TMEM63B: variants seen among roughly 807,000 people sequenced by gnomAD.
TMEM63B encodes mechanosensitive cation channel TMEM63B.
Under a neutral mutation model 102.6 loss-of-function variants are expected in TMEM63B, and 23 were observed. The ratio of observed to expected loss-of-function variants is 0.22; its 90% CI spans 0.16 to 0.32. TMEM63B has a LOEUF of 0.32. Ranked by LOEUF, TMEM63B falls within the 10% of genes least tolerant of loss-of-function variation. The pLI is 1.00. For missense variants in TMEM63B, 628 were observed against 1,095.9 expected (o/e 0.57, Z 6.03); for synonymous variants, 444 against 437.0 (o/e 1.02, Z -0.20).
At chr6:44,136,937 T>C (rs1011460993) in intron 5 of TMEM63B, among the ~76,000 whole-genome samples, 3 of 152,128 alleles carry the variant, frequency 2.0e-5, no homozygotes, top group Admixed American at 6.6e-5. Flanking sequence ...CCCAGCTACT[T>C]GGGAGGCTGA....
intron 9 of TMEM63B, among the ~76,000 whole-genome samples, chr6:44,140,687 C>T (rs796625787): frequency 4.6e-5 from 7 of 152,232 alleles, no homozygotes; most frequent in African/African-American, 1.2e-4. Context: ...AAGCCAGAAC[C>T]GGACACCTAC....
Position 44,152,154 on chromosome 6 carries a change from C to T in TMEM63B, c.1836+146C>T. 1.9e-6 allele frequency: 2 copies of T among 1,064,918 alleles called. No individual in the cohort carries two copies. The highest frequency in any genetic ancestry group is 2.7e-5 in the East Asian group (1 of 37,060). The allele number at this position is 1,064,918 out of a possible 1,614,324, so 66.0% of individuals were successfully genotyped here. ...ACTCACGGTGGATCCGGGCCATCCC[C>T]TTCCCATATCTGGGGCCTTCGTATT... On this transcript the variant is annotated intron_variant, in intron 19 of 23. Transcript: ENST00000323267. This position sits in a 1 kb window ranked among gnomAD's most constrained non-coding sequence, Gnocchi z 6.4.
Position 44,152,370 on chromosome 6 carries a change from G to T in TMEM63B, c.1837-223G>T, listed in dbSNP as rs1341557182. On this transcript the variant is annotated intron_variant, in intron 19 of 23. Coordinates refer to ENST00000323267, the MANE Select transcript of TMEM63B (RefSeq NM_018426.3). The surrounding 1 kb of genome is among the most constrained non-coding windows in gnomAD (Gnocchi z 6.4). ...ACCTGCCAGGCCCCGACCCTTGAAGGCCCCTCTCCGTGCCCCATCACTGCA... is the reference window on the plus strand; with the variant it reads ...ACCTGCCAGGCCCCGACCCTTGAAGTCCCCTCTCCGTGCCCCATCACTGCA... 1.3e-5 allele frequency among the ~76,000 whole-genome samples: 2 copies of T among 151,866 alleles called. No homozygotes were observed. Among genetic ancestry groups the T allele is most frequent in the Non-Finnish European group, 2.9e-5 (2 of 67,952 alleles).
chr6:44,154,586 C>T, intron 23 of TMEM63B, 106 bp from the exon 24 acceptor site: 1 of 1,457,782 alleles, frequency 6.9e-7, no homozygotes, highest in Non-Finnish European at 9.3e-7. Flanking sequence ...AGGGCTGCCC[C>T]CGCCCCCCAG....
chr6:44,138,741 C>G, intron 6 of TMEM63B: 1 of 406,654 alleles, frequency 2.5e-6, no homozygotes, highest in Non-Finnish European at 4.6e-6. Context: ...TGCCGGCCCC[C>G]CCGCTTCTCT....
At chr6:44,137,002 G>A (rs531778569) in intron 5 of TMEM63B, among the ~76,000 whole-genome samples, 143 of 152,326 alleles carry the variant, frequency 9.4e-4, no homozygotes, top group African/African-American at 3.2e-3. Context: ...CTGAGATGGC[G>A]CCACTGCACT....
At chr6:44,138,628 C>T in intron 6 of TMEM63B, 111 bp downstream of exon 6, 1 of 1,280,274 alleles carries the variant, frequency 7.8e-7, no homozygotes, top group Non-Finnish European at 1.1e-6. Context: ...TCCTCGCCAG[C>T]ACAGCACCCT....
In TMEM63B at chr6:44,140,359, T is replaced by C; in HGVS notation, c.710T>C (p.Leu237Pro). 1 of 1,613,020 alleles carries C rather than the reference T, an allele frequency of 6.2e-7. No homozygotes were observed. Among genetic ancestry groups the C allele is most frequent in the Non-Finnish European group, 8.5e-7 (1 of 1,179,214 alleles). The change falls in exon 9 of 24, where the codon CTG becomes CCG. Residue 237 changes from leucine (L) to proline (P), a missense_variant and splice_region_variant. Physicochemically the swap from Leu to Pro is moderately conservative, Grantham distance 98 (BLOSUM62 -3). Around this residue, in one of 6 missense-constraint regions of TMEM63B, gnomAD observed 336 missense variants for 580.3 expected, o/e 0.58. Coordinates refer to ENST00000323267, the MANE Select transcript of TMEM63B (RefSeq NM_018426.3). Reference protein sequence around the residue: ...TSKMRYKEDDLVKRTLFINGI... With the variant: ...TSKMRYKEDDPVKRTLFINGI... ...AAGATGCGCTACAAGGAGGATGATC[T>C]GGTGCGTGGAGCAGAGCCCAGGTCC...
chr6:44,148,225 G>A lies in TMEM63B; in HGVS notation c.988-27G>A, dbSNP rs199973937. 2.2e-3 allele frequency: 3,570 copies of A among 1,612,908 alleles called. 8 individuals carry two copies. The highest frequency in any genetic ancestry group is 2.8e-3 in the Non-Finnish European group (3,310 of 1,179,150). On this transcript the variant is annotated intron_variant, in intron 12 of 23. Transcript: ENST00000323267. This position sits in a 1 kb window ranked among gnomAD's most constrained non-coding sequence, Gnocchi z 5.1. Reference sequence around the variant, plus strand: ...GCCCCAGCCTGGCTTTCCAACTAGAGGCCCTGTCCCTAACCCTCCCACAAA... The same window carrying A: ...GCCCCAGCCTGGCTTTCCAACTAGAAGCCCTGTCCCTAACCCTCCCACAAA...
chr6:44,153,525 C>G, intron 20 of TMEM63B, 151 bp from the exon 21 acceptor site: 1 of 732,974 alleles, frequency 1.4e-6, no homozygotes, highest in Non-Finnish European at 2.1e-6. Context: ...TGTGATCACG[C>G]TGGGGCACGG....
chr6:44,150,618 T>A lies in TMEM63B; in HGVS notation c.1662T>A (p.Ala554=). 6.2e-7 allele frequency: 1 copy of A among 1,614,110 alleles called. No homozygotes were observed. The highest frequency in any genetic ancestry group is 1.1e-5 in the South Asian group (1 of 91,080). ...ATAAGAAATTCTTGGCTGAGGCAGC[T>A]ATTCGGTTTGAGTGAGTGACTGGGG... The part of the protein sequence containing the change: ...LFDKKFLAEA[A]IRFECVFLPD... The change falls in exon 18 of 24, where the codon GCT becomes GCA. Residue 554 remains alanine (A), a synonymous_variant. Transcript: ENST00000323267. This position sits in a 1 kb window ranked among gnomAD's most constrained non-coding sequence, Gnocchi z 4.7.
chr6:44,132,074 T>C (rs1762055565), intron 1 of TMEM63B, among the ~76,000 whole-genome samples: 1 of 152,198 alleles, frequency 6.6e-6, no homozygotes, highest in Non-Finnish European at 1.5e-5. Flanking sequence ...GGAGCAGCCC[T>C]GTCAACTGGC....
chr6:44,130,421 T>C lies in TMEM63B; in HGVS notation c.-25+2743T>C, dbSNP rs990066799. 7.9e-5 allele frequency among the ~76,000 whole-genome samples: 12 copies of C among 152,150 alleles called. No homozygotes were observed. In the South Asian group the frequency reaches 1.2e-3, roughly 16 times the overall value. The stretch of plus-strand genomic sequence containing the variant: ...ACTATTATTTTACTACTTTTTTTTC[T>C]TTTTCTGTTTTTCTTTTTTCTTTCC... On this transcript the variant is annotated intron_variant, in intron 1 of 23. Transcript: ENST00000323267.
At chr6:44,136,242 G>T in intron 4 of TMEM63B, 107 bp from the exon 5 acceptor site, 1 of 847,830 alleles carries the variant, frequency 1.2e-6, no homozygotes, top group South Asian at 1.4e-5. Flanking sequence ...TGCGCTTCCT[G>T]TGCCTTCTGT....
Position 44,140,271 on chromosome 6 carries a change from C to T in TMEM63B, c.622C>T (p.His208Tyr), listed in dbSNP as rs780469055. 6.2e-7 allele frequency: 1 copy of T among 1,613,614 alleles called. No individual in the cohort carries two copies. Among genetic ancestry groups the T allele is most frequent in the Non-Finnish European group, 8.5e-7 (1 of 1,179,894 alleles). The change falls in exon 9 of 24, where the codon CAC becomes TAC. Residue 208 changes from histidine (H) to tyrosine (Y), a missense_variant. Transcript: ENST00000323267. The part of the protein sequence containing the change: ...LKSGNNLLWL[H>Y]TSFAFLYLLL... ...TCCCAGGAACAACCTGCTATGGCTG[C>T]ACACCTCCTTCGCCTTCCTGTATCT... is the stretch of plus-strand genomic sequence containing the variant.
chr6:44,154,256 C>T (rs1264689271), intron 22 of TMEM63B, 68 bp downstream of exon 22: 3 of 1,599,958 alleles, frequency 1.9e-6, no homozygotes, highest in East Asian at 2.2e-5. Context: ...CAGAGGGCCA[C>T]AGGGCTGGCG....
At chr6:44,149,689 T>G (rs1404965658) in intron 15 of TMEM63B, among the ~76,000 whole-genome samples, 170 bp from the exon 16 acceptor site, 1 of 152,172 alleles carries the variant, frequency 6.6e-6, no homozygotes, top group East Asian at 1.9e-4. Context: ...GGGTTATACA[T>G]ATGGCCCTGG....
chr6:44,142,478 C>T (rs1333018897), intron 10 of TMEM63B, among the ~76,000 whole-genome samples: 1 of 151,796 alleles, frequency 6.6e-6, no homozygotes, highest in Non-Finnish European at 1.5e-5. Flanking sequence ...TGCAGTGAGC[C>T]GAGATTGTGC....
chr6:44,126,858 G>C (rs1471737470), upstream of TMEM63B: 1 of 152,206 alleles, frequency 6.6e-6, no homozygotes, highest in Non-Finnish European at 1.5e-5. Flanking sequence ...CCCCTGGCCT[G>C]GGGGAGGGCG....
Sources: allele counts gnomAD v4.1 joint callset (sites outside exome capture counted in the v4.1 genomes callset), GRCh38; gene constraint gnomAD v4.1.1; regional missense constraint gnomAD v4.1.1; non-coding constraint Gnocchi (gnomAD v3.1); transcripts MANE v1.5; gene names NCBI Gene and HGNC (gene_info 2026-07-23, HGNC 2026-07-21).